ANKS1B: variants seen among roughly 807,000 people sequenced by gnomAD.
ANKS1B encodes the protein ankyrin repeat and sterile alpha motif domain-containing protein 1B.
Under a neutral mutation model 148.3 loss-of-function variants are expected in ANKS1B, and 36 were observed. The ratio of observed to expected loss-of-function variants is 0.24; its 90% CI spans 0.19 to 0.32. ANKS1B has a LOEUF of 0.32. Ranked by LOEUF, ANKS1B falls within the 10% of genes least tolerant of loss-of-function variation. ANKS1B has a pLI of 1.00. For synonymous variants in ANKS1B, 542 were observed against 560.8 expected, an observed-to-expected ratio of 0.97 and a Z score of 0.47; for missense variants, 1,157 against 1,542.6, an observed-to-expected ratio of 0.75 and a Z score of 4.19.
chr12:99,829,202 A>G (rs2083595232), intron 1 of ANKS1B, among the ~76,000 whole-genome samples: 1 of 151,706 alleles, frequency 6.6e-6, no homozygotes, highest in Non-Finnish European at 1.5e-5. Context: ...ACTGAAGGAC[A>G]TTAATTTACC....
intron 9 of ANKS1B, among the ~76,000 whole-genome samples, chr12:99,618,149 C>G (rs2097994757): frequency 6.6e-6 from 1 of 152,118 alleles, no homozygotes; most frequent in Admixed American, 6.5e-5. Flanking sequence ...TAGGTATCAA[C>G]TCAAACATCA....
intron 1 of ANKS1B, among the ~76,000 whole-genome samples, chr12:99,856,620 C>A (rs889471333): frequency 2.0e-5 from 3 of 151,922 alleles, no homozygotes; most frequent in Non-Finnish European, 4.4e-5. Context: ...TGAACACGGA[C>A]ACAAAAATCT....
chr12:99,287,712 A>G (rs2079329700), intron 12 of ANKS1B, among the ~76,000 whole-genome samples: 1 of 152,198 alleles, frequency 6.6e-6, no homozygotes, highest in Non-Finnish European at 1.5e-5. Context: ...AAGATATTGA[A>G]ATAATTTTTA....
At chr12:99,582,412 C>A (rs557284111) in intron 9 of ANKS1B, among the ~76,000 whole-genome samples, 1 of 151,666 alleles carries the variant, frequency 6.6e-6, no homozygotes, top group South Asian at 2.1e-4. Flanking sequence ...ATGTTCAAAG[C>A]AACTTTTTTC....
intron 17 of ANKS1B, among the ~76,000 whole-genome samples, chr12:98,838,696 T>C (rs2099389068): frequency 6.6e-6 from 1 of 152,190 alleles, no homozygotes; most frequent in South Asian, 2.1e-4. Context: ...CCTTTCTAGA[T>C]ACTTGGCCAA....
intron 17 of ANKS1B, among the ~76,000 whole-genome samples, chr12:98,919,839 G>A (rs2099799061): frequency 6.6e-6 from 1 of 152,154 alleles, no homozygotes; most frequent in South Asian, 2.1e-4. Flanking sequence ...GTTAGGGGCT[G>A]CAATGCAACA....
At chr12:99,361,051 A>G (rs1013877714) in intron 12 of ANKS1B, among the ~76,000 whole-genome samples, 2 of 152,254 alleles carry the variant, frequency 1.3e-5, no homozygotes, top group African/African-American at 4.8e-5. Flanking sequence ...TTGACAGCAC[A>G]GCAGGGTGAC....
At chr12:99,136,169 G>T (rs2067979257) in intron 15 of ANKS1B, among the ~76,000 whole-genome samples, 1 of 152,222 alleles carries the variant, frequency 6.6e-6, no homozygotes. Flanking sequence ...CTGTGCAAAT[G>T]GGTGTAACCA....
At chr12:98,981,530 T>G (rs2099910697) in intron 17 of ANKS1B, among the ~76,000 whole-genome samples, 2 of 151,744 alleles carry the variant, frequency 1.3e-5, no homozygotes, top group African/African-American at 2.4e-5. Flanking sequence ...GAGACGGGGT[T>G]TCACCATGTT....
chr12:99,479,120 ATATT>A (rs999111324), intron 10 of ANKS1B, among the ~76,000 whole-genome samples: 3 of 152,080 alleles, frequency 2.0e-5, no homozygotes, highest in Non-Finnish European at 4.4e-5. Flanking sequence ...TACACAATCT[ATATT>A]TAGACTTTGT....
chr12:99,972,054 T>C (rs1225175240), intron 1 of ANKS1B, among the ~76,000 whole-genome samples: 1 of 152,220 alleles, frequency 6.6e-6, no homozygotes, highest in Non-Finnish European at 1.5e-5. Context: ...ATATCTGTTA[T>C]GATCATCTGT....
chr12:99,275,457 CCTGT>C (rs2077560009), intron 12 of ANKS1B, among the ~76,000 whole-genome samples: 1 of 152,166 alleles, frequency 6.6e-6, no homozygotes, highest in African/African-American at 2.4e-5. Flanking sequence ...TCTTTCTATG[CCTGT>C]CTTATTTCAC....
chr12:99,346,590 ACT>A (rs1393159600), intron 12 of ANKS1B, among the ~76,000 whole-genome samples: 2 of 151,864 alleles, frequency 1.3e-5, no homozygotes, highest in African/African-American at 4.8e-5. Flanking sequence ...CAATAGCCTT[ACT>A]CTCCACTGAA....
At chr12:99,341,948 C>A (rs952485658) in intron 12 of ANKS1B, among the ~76,000 whole-genome samples, 13 of 152,154 alleles carry the variant, frequency 8.5e-5, no homozygotes, top group East Asian at 1.9e-4. Flanking sequence ...GACTGAAGAA[C>A]AATAATTCTT....
At chr12:99,143,535 C>A (rs2071775567) in intron 15 of ANKS1B, among the ~76,000 whole-genome samples, 1 of 152,014 alleles carries the variant, frequency 6.6e-6, no homozygotes, top group African/African-American at 2.4e-5. Context: ...AAATCTATAG[C>A]CTTTTATTAT....
At chr12:99,542,251 G>A (rs551334311) in intron 9 of ANKS1B, among the ~76,000 whole-genome samples, 21 of 152,092 alleles carry the variant, frequency 1.4e-4, no homozygotes, top group African/African-American at 4.8e-4. Context: ...AAAACCAATT[G>A]TATTTCTATA....
In ANKS1B at chr12:98,829,240, C is replaced by T. The variant is rs778725026; in HGVS notation, c.3000G>A (p.Arg1000=). ...VPHIIMQGDA[R]RRRNENYFDD... is the part of the protein sequence containing the mutation. ...CAAAGTAGTTTTCATTTCTTCTCCTCCTTGCATCGCCCTGCATGATAATGT... is the reference window on the plus strand; with the variant it reads ...CAAAGTAGTTTTCATTTCTTCTCCTTCTTGCATCGCCCTGCATGATAATGT... Residue 1000 remains arginine (R), a synonymous_variant, in exon 19 of 27, where the codon AGG becomes AGA. Transcript: ENST00000683438. This position sits in a 1 kb window ranked among gnomAD's most constrained non-coding sequence, Gnocchi z 5.2. 1.1e-5 allele frequency: 18 copies of T among 1,613,914 alleles called. No individual in the cohort carries two copies. The highest frequency in any genetic ancestry group is 1.5e-5 in the Non-Finnish European group (18 of 1,179,900).
intron 8 of ANKS1B, among the ~76,000 whole-genome samples, chr12:99,669,838 T>A (rs2098528062): frequency 6.6e-6 from 1 of 152,144 alleles, no homozygotes; most frequent in Non-Finnish European, 1.5e-5. Context: ...TACTTTCAAC[T>A]CAGAGGATTA....
In ANKS1B at chr12:99,240,743, T is replaced by C. The variant is rs933390640; in HGVS notation, c.2419+3599A>G. 9.2e-5 allele frequency among the ~76,000 whole-genome samples: 14 copies of C among 152,298 alleles called. No individual in the cohort carries two copies. The East Asian group carries it at 1.5e-3, about 17-fold the overall frequency. On this transcript the variant is annotated intron_variant, in intron 14 of 26. Transcript: ENST00000683438. Reference sequence around the variant, plus strand: ...AAATTAGAACTCAGGATTAAGAAATTCACTCAAAACTGCTCAACTACGTGG... The same window carrying C: ...AAATTAGAACTCAGGATTAAGAAATCCACTCAAAACTGCTCAACTACGTGG...
Sources: gnomAD v4.1 joint callset for allele counts (sites outside exome capture counted in the v4.1 genomes callset) on GRCh38, gnomAD v4.1.1 for gene constraint, Gnocchi (gnomAD v3.1) non-coding constraint, MANE v1.5 for transcripts, NCBI Gene and HGNC (gene_info 2026-07-23, HGNC 2026-07-21) for gene names.